The following PRR16 variants were observed in gnomAD, a reference collection of about 807,000 sequenced individuals.
The protein encoded by PRR16 is protein Largen.
Under a neutral mutation model 18.2 loss-of-function variants are expected in PRR16, and 6 were observed. The observed-to-expected ratio is 0.33, with a 90% CI of 0.18 to 0.65. The LOEUF is 0.65. Among genes scored for constraint, PRR16 ranks in the 30% least tolerant of loss-of-function variants. PRR16 has a pLI of 0.74. For missense variants in PRR16, 412 were observed against 376.6 expected, an observed-to-expected ratio of 1.09 and a Z score of -0.78; for synonymous variants, 151 against 147.8, an observed-to-expected ratio of 1.02 and a Z score of -0.16.
At chr5:120,749,352 G>A in the PRR16 span, among the ~76,000 whole-genome samples, 1 of 152,052 alleles carries the variant, frequency 6.6e-6, no homozygotes, top group Non-Finnish European at 1.5e-5. Context: ...TGTTATGTTA[G>A]GAGTTTGAAT....
chr5:120,598,332 CAAGATATTCTATCTTGTAGCCATTGA>C (rs1459407638), intron 1 of PRR16, among the ~76,000 whole-genome samples: 1 of 151,784 alleles, frequency 6.6e-6, no homozygotes, highest in Non-Finnish European at 1.5e-5. Context: ...GAATTATCTC[CAAGATATTCTATCTTGTAGCCATTGA>C]AAATGTTTTG....
intron 1 of PRR16, among the ~76,000 whole-genome samples, chr5:120,651,006 G>T (rs374587584): frequency 2.2e-4 from 33 of 152,114 alleles, no homozygotes; most frequent in African/African-American, 4.6e-4. Flanking sequence ...CCTGACTTTT[G>T]AATGATCGCC....
At chr5:120,634,937 G>A (rs980778406) in intron 1 of PRR16, among the ~76,000 whole-genome samples, 3 of 151,990 alleles carry the variant, frequency 2.0e-5, no homozygotes, top group African/African-American at 7.2e-5. Flanking sequence ...AGGAGATATT[G>A]CAGCAGATAG....
At chr5:120,648,446 G>T (rs529122057) in intron 1 of PRR16, among the ~76,000 whole-genome samples, 2 of 152,030 alleles carry the variant, frequency 1.3e-5, no homozygotes, top group Non-Finnish European at 2.9e-5. Flanking sequence ...CCACCAGTAT[G>T]CTTCCCTGCC....
chr5:120,564,264 C>T (rs1039065623), intron 1 of PRR16, among the ~76,000 whole-genome samples: 2 of 152,092 alleles, frequency 1.3e-5, no homozygotes. Flanking sequence ...GCTGGTGTCT[C>T]CTTAAGTCAT....
intron 1 of PRR16, among the ~76,000 whole-genome samples, chr5:120,515,494 T>C (rs185093022): frequency 5.0e-3 from 769 of 152,304 alleles, no homozygotes; most frequent in Non-Finnish European, 7.3e-3. Flanking sequence ...TATAAACTGG[T>C]GAAGAAAGGG....
chr5:120,719,837 A>G, the PRR16 span, among the ~76,000 whole-genome samples: 1 of 152,048 alleles, frequency 6.6e-6, no homozygotes, highest in Non-Finnish European at 1.5e-5. Flanking sequence ...GATCTTACAT[A>G]TGAATTTATG....
the PRR16 span, among the ~76,000 whole-genome samples, chr5:120,709,074 C>T: frequency 4.9e-5 from 7 of 142,068 alleles, no homozygotes; most frequent in South Asian, 2.3e-4. Context: ...GTGGCGCAAT[C>T]TCGGCTCACT....
the PRR16 span, among the ~76,000 whole-genome samples, chr5:120,788,709 T>C: frequency 6.6e-6 from 1 of 152,134 alleles, no homozygotes. Flanking sequence ...AACTCCATGA[T>C]GAAAGATTGT....
chr5:120,509,308 G>A (rs181527363), intron 1 of PRR16, among the ~76,000 whole-genome samples: 19 of 152,094 alleles, frequency 1.2e-4, no homozygotes, highest in South Asian at 2.1e-4. Flanking sequence ...CTCTTCATCC[G>A]TCTGTAGAAC....
intron 1 of PRR16, among the ~76,000 whole-genome samples, chr5:120,506,436 G>T (rs1750648327): frequency 6.6e-6 from 1 of 151,942 alleles, no homozygotes. Context: ...TATAACGTAA[G>T]CTCAACTGAT....
Position 120,474,416 on chromosome 5 carries a change from T to C in PRR16, c.159+9771T>C, listed in dbSNP as rs146248462. On this transcript the variant is annotated intron_variant, in intron 1 of 1. Transcript: ENST00000407149. ...ATGATGCCACATGTCCTCTTCCTAC[T>C]TTGCAATAGTAGAACTAGGAACCCA... 4.1e-3 allele frequency among the ~76,000 whole-genome samples: 617 copies of C among 152,246 alleles called. 5 individuals carry two copies. Among genetic ancestry groups the C allele is most frequent in the African/African-American group, 0.014 (595 of 41,540 alleles).
the PRR16 span, among the ~76,000 whole-genome samples, chr5:120,753,145 A>G: frequency 6.6e-6 from 1 of 152,006 alleles, no homozygotes; most frequent in Non-Finnish European, 1.5e-5. Flanking sequence ...TGTACAAAGT[A>G]GATTTGGAGG....
chr5:120,711,878 T>C, the PRR16 span, among the ~76,000 whole-genome samples: 1 of 152,206 alleles, frequency 6.6e-6, no homozygotes, highest in African/African-American at 2.4e-5. Flanking sequence ...GCCAGGAATG[T>C]GTCTCTATGG....
chr5:120,762,866 T>A, the PRR16 span, among the ~76,000 whole-genome samples: 2 of 152,172 alleles, frequency 1.3e-5, no homozygotes, highest in African/African-American at 2.4e-5. Context: ...CGAATGTCGT[T>A]ATTTTTCTGT....
chr5:120,516,509 A>ACACG (rs1267433601), intron 1 of PRR16, among the ~76,000 whole-genome samples: 5 of 151,410 alleles, frequency 3.3e-5, no homozygotes, highest in Non-Finnish European at 7.4e-5. Context: ...ACACACACAC[A>ACACG]CACACGCATA....
At chr5:120,704,887 T>G in the PRR16 span, among the ~76,000 whole-genome samples, 1 of 152,218 alleles carries the variant, frequency 6.6e-6, no homozygotes, top group Non-Finnish European at 1.5e-5. Flanking sequence ...GAGACAAGAA[T>G]GTACTTAGAA....
the PRR16 span, among the ~76,000 whole-genome samples, chr5:120,699,771 A>G: frequency 1.3e-5 from 2 of 152,162 alleles, no homozygotes; most frequent in Non-Finnish European, 2.9e-5. Context: ...AATTCTGACC[A>G]CACTAACCAT....
intron 1 of PRR16, among the ~76,000 whole-genome samples, chr5:120,530,696 G>T (rs1398059093): frequency 6.6e-6 from 1 of 152,092 alleles, no homozygotes; most frequent in African/African-American, 2.4e-5. Context: ...ATGAGGTAAG[G>T]TATAGGAGAT....
Sources: allele counts gnomAD v4.1 joint callset (sites outside exome capture counted in the v4.1 genomes callset), GRCh38; gene constraint gnomAD v4.1.1; transcripts MANE v1.5; gene names NCBI Gene and HGNC (gene_info 2026-07-23, HGNC 2026-07-21).